The following CDCP2 variants were observed in gnomAD, a reference collection of about 807,000 sequenced individuals.
CDCP2 encodes the protein CUB domain containing protein 2.
A neutral mutation model predicts 31.0 loss-of-function variants in CDCP2; 31 were observed. The ratio of observed to expected loss-of-function variants is 1.00; its 90% confidence interval spans 0.75 to 1.35. CDCP2 has a LOEUF of 1.35. CDCP2 is among the 40% of genes most tolerant of loss of function. The pLI is 0.00. For missense variants in CDCP2, 443 were observed against 482.6 expected, an observed-to-expected ratio of 0.92 and a Z score of 0.77; for synonymous variants, 206 against 207.9, an observed-to-expected ratio of 0.99 and a Z score of 0.08.
At chr1:54,144,851 G>T in intron 1 of CDCP2, 38 bp from the exon 2 acceptor site, 1 of 1,522,074 alleles carries the variant, frequency 6.6e-7, no homozygotes, top group East Asian at 2.4e-5. Flanking sequence ...ACTCCGTGCT[G>T]GGGTCTTGGG....
At position 54,134,888 on chromosome 1, in the gene CDCP2, G is replaced by A. The variant is rs1659234826; in HGVS notation, c.1297-1594C>T. On this transcript the variant is annotated intron_variant, in intron 5 of 5. Transcript: ENST00000530059. The stretch of plus-strand genomic sequence containing the variant: ...GTAGCTGGGATTACAGGAGTTCACC[G>A]CCATGCCCAGCTAATTGTTGTATTT... 1.3e-5 allele frequency among the ~76,000 whole-genome samples: 2 copies of A among 151,952 alleles called. 1 individual carries two copies. Among genetic ancestry groups the A allele is most frequent in the Non-Finnish European group, 2.9e-5 (2 of 67,996 alleles).
intron 2 of CDCP2, chr1:54,143,541 C>T (rs554466345): frequency 5.3e-5 from 8 of 152,070 alleles, no homozygotes; most frequent in African/African-American, 1.9e-4. Flanking sequence ...GATATCCTAA[C>T]ATTCTACAAA....
intron 1 of CDCP2, among the ~76,000 whole-genome samples, chr1:54,146,953 G>C (rs1470678348): frequency 6.6e-6 from 1 of 151,328 alleles, no homozygotes; most frequent in Non-Finnish European, 1.5e-5. Context: ...GTGCACGCCT[G>C]TAATCCCAGC....
intron 1 of CDCP2, 139 bp downstream of exon 1, chr1:54,152,705 A>C (rs1321950267): frequency 1.4e-6 from 1 of 727,660 alleles, no homozygotes; most frequent in Non-Finnish European, 2.4e-6. Context: ...CTCAGGAACA[A>C]ACACATTCTC....
At chr1:54,138,778 C>T (rs1322325172) in intron 4 of CDCP2, 1 of 152,326 alleles carries the variant, frequency 6.6e-6, no homozygotes, top group African/African-American at 2.4e-5. Flanking sequence ...CTAATCCTGG[C>T]TGTGCCACTG....
chr1:54,136,120 C>G (rs1041509360), intron 5 of CDCP2, among the ~76,000 whole-genome samples: 1 of 152,084 alleles, frequency 6.6e-6, no homozygotes, highest in Non-Finnish European at 1.5e-5. Flanking sequence ...CTTGAAAGGG[C>G]CTTTTGTGCT....
At chr1:54,140,878 T>G (rs1419586729) in intron 3 of CDCP2, 7 of 434,386 alleles carry the variant, frequency 1.6e-5, no homozygotes, top group Non-Finnish European at 2.9e-5. Flanking sequence ...TATAAGGAGT[T>G]GAAAAAAGGA....
chr1:54,145,228 C>G (rs1205101841), intron 1 of CDCP2, among the ~76,000 whole-genome samples: 1 of 152,086 alleles, frequency 6.6e-6, no homozygotes, highest in Non-Finnish European at 1.5e-5. Flanking sequence ...GAGTTCGAGA[C>G]CAGCCTGGCC....
Position 54,144,826 on chromosome 1 carries a change from A to C in CDCP2, c.80-13T>G, listed in dbSNP as rs767568160. 16 of 1,596,504 alleles carry C rather than the reference A, an allele frequency of 1.0e-5. No homozygotes were observed. Among genetic ancestry groups the C allele is most frequent in the Non-Finnish European group, 1.4e-5 (16 of 1,169,434 alleles). ...CCACATTTGACACCTGGGGCAAGAG[A>C]GAAGTATGGCTGAGACTCCGTGCTG... On this transcript the variant is annotated splice_polypyrimidine_tract_variant and intron_variant, in intron 1 of 5. Transcript: ENST00000530059.
At chr1:54,140,929 G>T (rs1659357218) in intron 3 of CDCP2, 169 bp downstream of exon 3, 1 of 507,102 alleles carries the variant, frequency 2.0e-6, no homozygotes, top group South Asian at 5.6e-5. Flanking sequence ...GAGGTGACAT[G>T]CTTATGTCTT....
chr1:54,141,514 C>T, intron 2 of CDCP2, 81 bp from the exon 3 acceptor site: 1 of 1,220,252 alleles, frequency 8.2e-7, no homozygotes, highest in Non-Finnish European at 1.1e-6. Context: ...GACACTCCAA[C>T]ATGCTGCCCC....
chr1:54,137,692 T>TTTGTGTGTGTGTGTGC (rs1659282154), intron 4 of CDCP2: 1 of 146,090 alleles, frequency 6.8e-6, no homozygotes, highest in Non-Finnish European at 1.5e-5. Context: ...TGCGTGTGTG[T>TTTGTGTGTGTGTGTGC]GTGTGTGTGT....
chr1:54,140,718 G>T, intron 3 of CDCP2: 1 of 190,258 alleles, frequency 5.3e-6, no homozygotes, highest in African/African-American at 2.3e-5. Context: ...AAGTTCCCAC[G>T]ACTTCATCCA....
chr1:54,151,354 C>G (rs9970795), intron 1 of CDCP2, among the ~76,000 whole-genome samples: 6 of 152,106 alleles, frequency 3.9e-5, no homozygotes, highest in East Asian at 3.9e-4. Flanking sequence ...CTAATTCATG[C>G]CTTTATGGCA....
At chr1:54,139,681 G>A (rs981592196) in intron 4 of CDCP2, 72 bp downstream of exon 4, 3 of 1,614,124 alleles carry the variant, frequency 1.9e-6, no homozygotes, top group African/African-American at 2.7e-5. Flanking sequence ...ATGGAGGAAG[G>A]AGACTGCAAA....
chr1:54,152,182 G>A (rs1659594683), intron 1 of CDCP2, among the ~76,000 whole-genome samples: 2 of 152,170 alleles, frequency 1.3e-5, no homozygotes, highest in Admixed American at 6.5e-5. Flanking sequence ...TTCAGCAATA[G>A]GCTGGGTGCG....
intron 3 of CDCP2, 155 bp from the exon 4 acceptor site, chr1:54,140,261 A>G (rs1659343022): frequency 1.2e-5 from 8 of 645,638 alleles, no homozygotes; most frequent in Non-Finnish European, 1.9e-5. Context: ...ATTGATCCCA[A>G]CTATCTGAAA....
At chr1:54,147,411 A>G (rs942808086) in intron 1 of CDCP2, among the ~76,000 whole-genome samples, 1 of 151,884 alleles carries the variant, frequency 6.6e-6, no homozygotes. Flanking sequence ...TTGTCGGCCC[A>G]GGCTGGAGTG....
chr1:54,152,334 C>T (rs904935661), intron 1 of CDCP2, among the ~76,000 whole-genome samples: 1 of 151,996 alleles, frequency 6.6e-6, no homozygotes, highest in Admixed American at 6.6e-5. Flanking sequence ...CGTGGTGGCA[C>T]ATGCCTGTAA....
Sources: allele counts gnomAD v4.1 joint callset (sites outside exome capture counted in the v4.1 genomes callset), GRCh38; gene constraint gnomAD v4.1.1; transcripts MANE v1.5; gene names NCBI Gene and HGNC (gene_info 2026-07-23, HGNC 2026-07-21).